ATP10A: variants seen among roughly 807,000 people sequenced by gnomAD.
The protein encoded by ATP10A is ATPase phospholipid transporting 10A (putative).
In ATP10A, 111 loss-of-function variants were observed where a neutral mutation model predicts 147.8. That is an observed-to-expected ratio of 0.75 (90% CI 0.64 to 0.88). The LOEUF is 0.88. ATP10A is among the 40% of genes least tolerant of loss of function. The probability of loss-of-function intolerance (pLI) is 0.00; values close to 1 mark genes in which losing one functional copy is unlikely to be tolerated. For synonymous variants in ATP10A, 875 were observed against 841.6 expected (o/e 1.04, Z -0.69); for missense variants, 1,927 against 1,959.0 (o/e 0.98, Z 0.31).
chr15:25,855,141 A>G (rs1181589784), intron 1 of ATP10A, among the ~76,000 whole-genome samples: 1 of 152,126 alleles, frequency 6.6e-6, no homozygotes, highest in African/African-American at 2.4e-5. Flanking sequence ...AGACCAGTAT[A>G]GTACTTTTCT....
intron 3 of ATP10A, among the ~76,000 whole-genome samples, chr15:25,730,175 C>T (rs1312183741): frequency 2.0e-5 from 3 of 151,582 alleles, no homozygotes; most frequent in African/African-American, 7.3e-5. Flanking sequence ...GTGGTACACA[C>T]CTGTAATCCC....
chr15:25,752,466 TG>T (rs1888204689), intron 2 of ATP10A, among the ~76,000 whole-genome samples: 1 of 151,882 alleles, frequency 6.6e-6, no homozygotes, highest in South Asian at 2.1e-4. Flanking sequence ...AAGCAGAGAG[TG>T]GAATTGTGGT....
intron 2 of ATP10A, among the ~76,000 whole-genome samples, chr15:25,762,076 G>C (rs200515895): frequency 6.6e-6 from 1 of 152,240 alleles, no homozygotes; most frequent in East Asian, 1.9e-4. Flanking sequence ...CCCCCATGCT[G>C]TTCTCGTGAC....
chr15:25,707,804 G>A (rs923756676), intron 12 of ATP10A, among the ~76,000 whole-genome samples, 172 bp downstream of exon 12: 3 of 152,148 alleles, frequency 2.0e-5, no homozygotes, highest in African/African-American at 7.2e-5. Flanking sequence ...AATGAGACTA[G>A]GAGAAGATTC....
intron 12 of ATP10A, 52 bp downstream of exon 12, chr15:25,707,924 G>A (rs960348076): frequency 2.8e-5 from 45 of 1,597,998 alleles, no homozygotes; most frequent in Middle Eastern, 1.7e-4. Flanking sequence ...CTCCAGGGCC[G>A]TCCCTGCAAA....
chr15:25,851,110 T>C (rs2140910292), intron 1 of ATP10A, among the ~76,000 whole-genome samples: 1 of 152,198 alleles, frequency 6.6e-6, no homozygotes, highest in East Asian at 1.9e-4. Flanking sequence ...TGGCCCACGC[T>C]GAGGTCCGTT....
At chr15:25,811,760 G>A (rs1891442893) in intron 1 of ATP10A, among the ~76,000 whole-genome samples, 1 of 152,218 alleles carries the variant, frequency 6.6e-6, no homozygotes, top group South Asian at 2.1e-4. Context: ...GTGGCAAGGA[G>A]ACCAAGGTTT....
intron 15 of ATP10A, among the ~76,000 whole-genome samples, chr15:25,689,946 C>T (rs1414979056): frequency 6.6e-6 from 1 of 152,222 alleles, no homozygotes; most frequent in Admixed American, 6.5e-5. Context: ...ATAGGCACTG[C>T]CCCCATCAGA....
Position 25,692,011 on chromosome 15 carries a change from G to A in ATP10A, c.3089-220C>T, listed in dbSNP as rs1900066305. Among the ~76,000 whole-genome samples the A allele has an allele frequency of 2.6e-5, 4 of 152,100 alleles. No homozygotes were observed. The South Asian group carries it at 6.2e-4, about 24-fold the overall frequency. ...AGGAGATGTTTCGGAAAGCGGGCTG[G>A]AGCTGAGCCACCTGGTACATGGCGC... On this transcript the variant is annotated intron_variant, in intron 14 of 20. Transcript: ENST00000555815.
Position 25,702,049 on chromosome 15 carries a change from G to T in ATP10A, c.2627C>A (p.Ser876Tyr), listed in dbSNP as rs761088037. Reference sequence around the variant, plus strand: ...CTGCAGGCCCGCTTGACGCAATTTAGAAATAGTTTCAGGGACTCCGTCCTG... The same window carrying T: ...CTGCAGGCCCGCTTGACGCAATTTATAAATAGTTTCAGGGACTCCGTCCTG... Reference protein sequence around the residue: ...RLQDGVPETISKLRQAGLQIW... With the variant: ...RLQDGVPETIYKLRQAGLQIW... Residue 876 changes from serine (S) to tyrosine (Y), a missense_variant, in exon 13 of 21, where the codon TCT (serine) becomes TAT (tyrosine). Transcript: ENST00000555815. The T allele has an allele frequency of 1.2e-6, 2 of 1,614,184 alleles. No homozygotes were observed. Among genetic ancestry groups the T allele is most frequent in the South Asian group, 1.1e-5 (1 of 91,078 alleles).
intron 2 of ATP10A, among the ~76,000 whole-genome samples, chr15:25,769,780 G>A (rs2140660341): frequency 6.6e-6 from 1 of 152,276 alleles, no homozygotes; most frequent in South Asian, 2.1e-4. Flanking sequence ...GCACTGTGAG[G>A]GGTTGAATTC....
At chr15:25,834,587 C>T (rs1466577278) in intron 1 of ATP10A, among the ~76,000 whole-genome samples, 2 of 152,154 alleles carry the variant, frequency 1.3e-5, no homozygotes, top group Non-Finnish European at 2.9e-5. Flanking sequence ...TCAGGGGTAT[C>T]GTGTGCTCCA....
chr15:25,838,238 A>G (rs1318176360), intron 1 of ATP10A, among the ~76,000 whole-genome samples: 1 of 152,206 alleles, frequency 6.6e-6, no homozygotes, highest in African/African-American at 2.4e-5. Context: ...CACTCAAAAA[A>G]GTGCTTATTA....
At chr15:25,862,093 T>A in intron 1 of ATP10A, 5 of 337,264 alleles carry the variant, frequency 1.5e-5, no homozygotes, top group South Asian at 1.1e-4. Flanking sequence ...GGCTCATGGC[T>A]CACAGTGGAG....
intron 6 of ATP10A, among the ~76,000 whole-genome samples, chr15:25,722,728 T>C (rs1902319687): frequency 6.6e-6 from 1 of 152,156 alleles, no homozygotes; most frequent in South Asian, 2.1e-4. Flanking sequence ...ATGAAGCACA[T>C]ATACGAGACA....
At chr15:25,808,802 T>C (rs959659150) in intron 1 of ATP10A, among the ~76,000 whole-genome samples, 3 of 152,234 alleles carry the variant, frequency 2.0e-5, no homozygotes, top group African/African-American at 7.2e-5. Context: ...ACCAACTTTA[T>C]GCCAAATGCC....
intron 1 of ATP10A, among the ~76,000 whole-genome samples, chr15:25,817,728 T>G (rs1243387742): frequency 6.6e-6 from 1 of 152,230 alleles, no homozygotes; most frequent in Non-Finnish European, 1.5e-5. Context: ...TCAGTTCAGC[T>G]CAATACATGG....
intron 1 of ATP10A, among the ~76,000 whole-genome samples, chr15:25,851,805 G>A (rs1006883794): frequency 3.3e-5 from 5 of 152,074 alleles, no homozygotes; most frequent in African/African-American, 1.2e-4. Context: ...GACAGGCCAG[G>A]TGCGGTCTCA....
intron 2 of ATP10A, among the ~76,000 whole-genome samples, chr15:25,780,181 G>A (rs757381593): frequency 3.3e-5 from 5 of 152,264 alleles, no homozygotes; most frequent in African/African-American, 4.8e-5. Flanking sequence ...TGCCGAGGCC[G>A]ATGGGGGAGG....
Sources: gnomAD v4.1 joint callset for allele counts (sites outside exome capture counted in the v4.1 genomes callset) on GRCh38, gnomAD v4.1.1 for gene constraint, MANE v1.5 for transcripts, NCBI Gene and HGNC (gene_info 2026-07-23, HGNC 2026-07-21) for gene names.